RGS7: variants seen among roughly 807,000 people sequenced by gnomAD.
RGS7 encodes the protein regulator of G protein signaling 7, also known as regulator of G-protein signaling 7.
Under a neutral mutation model 81.1 loss-of-function variants are expected in RGS7, and 27 were observed. The observed-to-expected ratio is 0.33, with a 90% CI of 0.25 to 0.46. The LOEUF is 0.46. Ranked by LOEUF, RGS7 falls within the 20% of genes least tolerant of loss-of-function variation. The pLI, the probability that RGS7 is intolerant of heterozygous loss-of-function variation, is 1.00. For missense variants in RGS7, 396 were observed against 607.4 expected (o/e 0.65, Z 3.66); for synonymous variants, 208 against 207.7 (o/e 1.00, Z -0.01).
At chr1:241,259,426 G>A (rs1000329513) in intron 2 of RGS7, among the ~76,000 whole-genome samples, 6 of 151,430 alleles carry the variant, frequency 4.0e-5, no homozygotes, top group Admixed American at 1.3e-4. Context: ...AGGCTGAGGC[G>A]GGTGGATCAC....
At chr1:240,935,066 T>C (rs982509717) in intron 5 of RGS7, among the ~76,000 whole-genome samples, 1 of 123,380 alleles carries the variant, frequency 8.1e-6, no homozygotes, top group Non-Finnish European at 1.8e-5. Flanking sequence ...TTTTTTTTGT[T>C]TGTTTTTTTT....
At chr1:240,961,625 C>A (rs1391716555) in intron 4 of RGS7, among the ~76,000 whole-genome samples, 1 of 152,038 alleles carries the variant, frequency 6.6e-6, no homozygotes, top group Non-Finnish European at 1.5e-5. Flanking sequence ...TTCTAACAAC[C>A]CCTGTGAGGT....
At position 241,052,641 on chromosome 1, in the gene RGS7, A is replaced by T. The variant is rs371121870; in HGVS notation, c.175+46025T>A. On this transcript the variant is annotated intron_variant, in intron 3 of 18. Transcript: ENST00000440928. ...GAAAAACCATCTACTGTATTTCAAA[A>T]TTTTCTGAGTTGATTTGGCCTTAAG... Among the ~76,000 whole-genome samples the T allele has an allele frequency of 4.6e-5, 7 of 152,206 alleles. 1 individual carries two copies. The highest frequency in any genetic ancestry group is 1.4e-4 in the African/African-American group (6 of 41,552).
At chr1:240,836,314 G>A (rs1410236052) in intron 9 of RGS7, among the ~76,000 whole-genome samples, 2 of 152,168 alleles carry the variant, frequency 1.3e-5, no homozygotes, top group Admixed American at 6.5e-5. Flanking sequence ...CACTTTGAGA[G>A]TGGATTATCA....
chr1:241,073,757 C>G (rs1224492326), intron 3 of RGS7, among the ~76,000 whole-genome samples: 2 of 152,196 alleles, frequency 1.3e-5, no homozygotes, highest in African/African-American at 4.8e-5. Flanking sequence ...AGACAACACC[C>G]TGTGGAATTA....
At chr1:241,128,202 G>C (rs2066810032) in intron 2 of RGS7, among the ~76,000 whole-genome samples, 5 of 151,646 alleles carry the variant, frequency 3.3e-5, no homozygotes, top group South Asian at 2.1e-4. Flanking sequence ...ACGTGAACCG[G>C]GAAAGTGGAG....
At chr1:240,853,032 C>A (rs947186989) in intron 9 of RGS7, among the ~76,000 whole-genome samples, 2 of 152,168 alleles carry the variant, frequency 1.3e-5, no homozygotes, top group African/African-American at 4.8e-5. Context: ...CACACAATTA[C>A]ATAAATCTTT....
intron 3 of RGS7, among the ~76,000 whole-genome samples, chr1:241,093,563 A>ATTTTTTTAAAT (rs1215174139): frequency 3.3e-5 from 5 of 152,194 alleles, no homozygotes; most frequent in African/African-American, 1.2e-4. Context: ...CCAATCCCAT[A>ATTTTTTTAAAT]TTTTTAAAAT....
chr1:240,912,042 T>C (rs1671838895), intron 6 of RGS7, among the ~76,000 whole-genome samples: 1 of 144,350 alleles, frequency 6.9e-6, no homozygotes, highest in Non-Finnish European at 1.5e-5. Flanking sequence ...TTCCAGCTAC[T>C]CGGGAGGGTG....
intron 3 of RGS7, among the ~76,000 whole-genome samples, chr1:241,081,193 C>T (rs748868493): frequency 1.5e-4 from 23 of 152,206 alleles, no homozygotes; most frequent in Non-Finnish European, 2.6e-4. Flanking sequence ...TGTGGGTCAA[C>T]TGGATCTCTC....
intron 3 of RGS7, among the ~76,000 whole-genome samples, chr1:241,079,922 G>T (rs1319684733): frequency 1.3e-5 from 2 of 151,844 alleles, no homozygotes; most frequent in African/African-American, 4.8e-5. Flanking sequence ...AAACTTCTCA[G>T]GTCTGTTGCT....
chr1:241,270,780 C>T (rs1407411365), intron 2 of RGS7, among the ~76,000 whole-genome samples: 3 of 144,734 alleles, frequency 2.1e-5, no homozygotes, highest in African/African-American at 5.1e-5. Flanking sequence ...TTTCTTGAGA[C>T]GGAGTCTCGC....
intron 9 of RGS7, among the ~76,000 whole-genome samples, chr1:240,849,680 T>C (rs1299710260): frequency 6.6e-6 from 1 of 152,106 alleles, no homozygotes; most frequent in Non-Finnish European, 1.5e-5. Flanking sequence ...GTGCCTCCCC[T>C]CCTCTCTCTT....
At chr1:241,135,962 A>C (rs1041958791) in intron 2 of RGS7, among the ~76,000 whole-genome samples, 1 of 146,132 alleles carries the variant, frequency 6.8e-6, no homozygotes, top group Admixed American at 6.9e-5. Context: ...GATAATGACA[A>C]AAAAAAAAAA....
At chr1:241,312,942 C>G (rs2148565310) in intron 2 of RGS7, among the ~76,000 whole-genome samples, 1 of 152,254 alleles carries the variant, frequency 6.6e-6, no homozygotes. Context: ...AGTGAAACGG[C>G]CTTATTGCTG....
intron 9 of RGS7, among the ~76,000 whole-genome samples, chr1:240,843,861 A>G (rs1293084354): frequency 1.3e-5 from 2 of 151,260 alleles, no homozygotes; most frequent in Non-Finnish European, 2.9e-5. Context: ...TTTTTTAAAA[A>G]TACAATTTGT....
At chr1:241,022,364 C>T (rs1025029580) in intron 3 of RGS7, among the ~76,000 whole-genome samples, 2 of 152,186 alleles carry the variant, frequency 1.3e-5, no homozygotes, top group African/African-American at 4.8e-5. Context: ...AGTCCTTTCC[C>T]GCAACCAACC....
intron 18 of RGS7, among the ~76,000 whole-genome samples, chr1:240,799,337 T>A (rs1687641960): frequency 7.2e-6 from 1 of 138,868 alleles, no homozygotes; most frequent in African/African-American, 2.8e-5. Context: ...TTCTTTTCCT[T>A]CAGTAATTCC....
chr1:241,130,929 A>C (rs543362603), intron 2 of RGS7, among the ~76,000 whole-genome samples: 123 of 126,754 alleles, frequency 9.7e-4, no homozygotes, highest in Non-Finnish European at 1.5e-3. Flanking sequence ...CTTAATTACA[A>C]AAAAAAAAAA....
Sources: gnomAD v4.1 joint callset for allele counts (sites outside exome capture counted in the v4.1 genomes callset) on GRCh38, gnomAD v4.1.1 for gene constraint, MANE v1.5 for transcripts, NCBI Gene and HGNC (gene_info 2026-07-23, HGNC 2026-07-21) for gene names.